The following VPS8 variants were observed in gnomAD, a reference collection of about 807,000 sequenced individuals.
VPS8 encodes the protein VPS8 subunit of CORVET complex.
Under a neutral mutation model 216.4 loss-of-function variants are expected in VPS8, and 129 were observed. The observed-to-expected ratio is 0.60, with a 90% CI of 0.52 to 0.69. VPS8 has a LOEUF of 0.69. Ranked by LOEUF, VPS8 falls within the 30% of genes least tolerant of loss-of-function variation. The pLI, the probability that VPS8 is intolerant of heterozygous loss-of-function variation, is 0.00. For missense variants in VPS8, 1,531 were observed against 1,683.5 expected (o/e 0.91, Z 1.59); for synonymous variants, 571 against 565.4 (o/e 1.01, Z -0.14).
At chr3:184,833,935 A>G (rs1720527096) in intron 4 of VPS8, among the ~76,000 whole-genome samples, 1 of 152,192 alleles carries the variant, frequency 6.6e-6, no homozygotes, top group African/African-American at 2.4e-5. Flanking sequence ...TCAGCCCCTC[A>G]GCTATGAAAT....
chr3:184,821,720 A>G (rs1577710827), intron 1 of VPS8, among the ~76,000 whole-genome samples: 2 of 152,108 alleles, frequency 1.3e-5, no homozygotes, highest in East Asian at 3.9e-4. Flanking sequence ...AGTTCTATCA[A>G]TAGAGGTTCA....
chr3:185,043,411 C>T (rs959341885), intron 46 of VPS8, among the ~76,000 whole-genome samples: 2 of 152,164 alleles, frequency 1.3e-5, no homozygotes, highest in African/African-American at 4.8e-5. Flanking sequence ...CCTTCCCTCA[C>T]AAGAAAGAGC....
intron 21 of VPS8, among the ~76,000 whole-genome samples, chr3:184,871,847 T>C (rs1728409119): frequency 6.6e-6 from 1 of 152,170 alleles, no homozygotes; most frequent in Admixed American, 6.5e-5. Context: ...GCTTGTAACA[T>C]TGGAAGACAA....
At chr3:184,848,564 CTTTTTTT>C (rs35715889) in intron 8 of VPS8, among the ~76,000 whole-genome samples, 1 of 87,204 alleles carries the variant, frequency 1.1e-5, no homozygotes, top group Non-Finnish European at 2.2e-5. Context: ...TTCCTGTATT[CTTTTTTT>C]TTTTTTTTTT....
intron 46 of VPS8, among the ~76,000 whole-genome samples, chr3:185,041,108 G>A (rs1386088859): frequency 1.3e-5 from 2 of 152,122 alleles, no homozygotes; most frequent in African/African-American, 4.8e-5. Context: ...GGGAGGCTGA[G>A]GCAGGAGAAT....
chr3:184,951,834 C>A (rs1744756570), intron 36 of VPS8, among the ~76,000 whole-genome samples: 2 of 152,180 alleles, frequency 1.3e-5, no homozygotes, highest in African/African-American at 4.8e-5. Flanking sequence ...AATGCTCCAG[C>A]TAATTTATTA....
At chr3:184,968,834 T>C (rs1471953909) in intron 39 of VPS8, among the ~76,000 whole-genome samples, 1 of 152,196 alleles carries the variant, frequency 6.6e-6, no homozygotes, top group Non-Finnish European at 1.5e-5. Context: ...GACTCCTTGG[T>C]CCACGCATTT....
intron 46 of VPS8, among the ~76,000 whole-genome samples, chr3:185,031,063 G>GTT (rs765510619): frequency 0.028 from 1,780 of 64,312 alleles, 189 homozygotes; most frequent in Non-Finnish European, 0.031. Flanking sequence ...ACAGGTTGGC[G>GTT]TTTTTTTTTT....
intron 8 of VPS8, among the ~76,000 whole-genome samples, chr3:184,845,169 A>G (rs1277670857): frequency 6.6e-6 from 1 of 152,218 alleles, no homozygotes; most frequent in Non-Finnish European, 1.5e-5. Flanking sequence ...TTTTAAATTC[A>G]TGAAATCAAG....
chr3:184,981,584 C>T (rs1334334700), intron 40 of VPS8, among the ~76,000 whole-genome samples: 1 of 152,008 alleles, frequency 6.6e-6, no homozygotes, highest in Non-Finnish European at 1.5e-5. Context: ...CAGGCACCTG[C>T]CACCACGCCT....
At chr3:184,886,273 T>C in intron 22 of VPS8, 117 bp downstream of exon 22, 1 of 1,015,176 alleles carries the variant, frequency 9.9e-7, no homozygotes, top group Non-Finnish European at 1.4e-6. Context: ...TATTAATTTA[T>C]AGAAATTTGA....
intron 47 of VPS8, among the ~76,000 whole-genome samples, chr3:185,051,364 G>A (rs1357995184): frequency 6.6e-6 from 1 of 152,148 alleles, no homozygotes; most frequent in Non-Finnish European, 1.5e-5. Context: ...AGTTTGAGTT[G>A]GCAGCTGGGT....
At chr3:184,917,509 A>G (rs1411521258) in intron 28 of VPS8, among the ~76,000 whole-genome samples, 1 of 152,036 alleles carries the variant, frequency 6.6e-6, no homozygotes, top group Admixed American at 6.5e-5. Flanking sequence ...GGCTCACTGC[A>G]ACCTCCACCT....
intron 7 of VPS8, 30 bp downstream of exon 7, chr3:184,839,782 A>G: frequency 6.4e-7 from 1 of 1,570,226 alleles, no homozygotes; most frequent in Non-Finnish European, 8.7e-7. Flanking sequence ...CCTGCTTTTA[A>G]ATATTAAGTG....
chr3:184,842,497 A>G (rs530356620), intron 7 of VPS8, among the ~76,000 whole-genome samples: 1 of 152,264 alleles, frequency 6.6e-6, no homozygotes, highest in East Asian at 1.9e-4. Context: ...TTGGGTATTA[A>G]TAGTGTAGCT....
At chr3:184,893,452 CAG>C (rs1732753720) in intron 22 of VPS8, 23 of 820,120 alleles carry the variant, frequency 2.8e-5, no homozygotes, top group Non-Finnish European at 3.2e-5. Flanking sequence ...TTTTAAAAAA[CAG>C]AATGAACAAA....
At chr3:184,881,250 G>A (rs1456051059) in intron 21 of VPS8, among the ~76,000 whole-genome samples, 1 of 151,906 alleles carries the variant, frequency 6.6e-6, no homozygotes, top group Non-Finnish European at 1.5e-5. Context: ...TTTCTCCTAT[G>A]TTTTTTTCTG....
chr3:185,027,110 C>T (rs376080707), intron 46 of VPS8, among the ~76,000 whole-genome samples: 98 of 152,042 alleles, frequency 6.4e-4, no homozygotes, highest in Non-Finnish European at 1.2e-3. Context: ...GAAAAGTAGA[C>T]GGGTAAACTG....
chr3:184,877,540 CTA>C (rs1729490514), intron 21 of VPS8, among the ~76,000 whole-genome samples: 1 of 152,262 alleles, frequency 6.6e-6, no homozygotes, highest in South Asian at 2.1e-4. Flanking sequence ...TGCCTGATGG[CTA>C]TCTTATTTAG....
Sources: gnomAD v4.1 joint callset for allele counts (sites outside exome capture counted in the v4.1 genomes callset) on GRCh38, gnomAD v4.1.1 for gene constraint, MANE v1.5 for transcripts, NCBI Gene and HGNC (gene_info 2026-07-23, HGNC 2026-07-21) for gene names.